The following TEC variants were observed in gnomAD, a reference collection of about 807,000 sequenced individuals.
TEC encodes the protein tec protein tyrosine kinase.
Under a neutral mutation model 93.0 loss-of-function variants are expected in TEC, and 72 were observed. The observed-to-expected ratio is 0.77, with a 90% CI of 0.64 to 0.94. TEC has a LOEUF of 0.94. Among genes scored for constraint, TEC ranks in the 40% least tolerant of loss-of-function variants. The pLI is 0.00. For missense variants in TEC, 630 were observed against 757.9 expected, an observed-to-expected ratio of 0.83 and a Z score of 1.98; for synonymous variants, 249 against 247.7, an observed-to-expected ratio of 1.01 and a Z score of -0.05.
At chr4:48,181,475 C>A (rs1721580585) in intron 2 of TEC, among the ~76,000 whole-genome samples, 1 of 151,878 alleles carries the variant, frequency 6.6e-6, no homozygotes, top group Non-Finnish European at 1.5e-5. Context: ...GAGTTCAAGA[C>A]CAGCCTGGCC....
intron 1 of TEC, among the ~76,000 whole-genome samples, chr4:48,241,700 C>A (rs776914107): frequency 6.6e-6 from 1 of 152,180 alleles, no homozygotes; most frequent in African/African-American, 2.4e-5. Context: ...TGGATGGTTT[C>A]TAACACAGCA....
At position 48,137,497 on chromosome 4, in the gene TEC, T is replaced by C. The variant is rs1426984717; in HGVS notation, c.1815A>G (p.Lys605=). Residue 605 remains lysine, a splice_region_variant and synonymous_variant, in exon 18 of 18, where the codon AAA becomes AAG. Transcript: ENST00000381501. ...YEVMLRCWQE[K]PEGRPSFEDL... Reference sequence around the variant, plus strand: ...CTTCGAAAGAAGGCCTTCCCTCTGGTTTCTACAATTAAAAGTCAAAGAGAA... The same window carrying C: ...CTTCGAAAGAAGGCCTTCCCTCTGGCTTCTACAATTAAAAGTCAAAGAGAA... 6.2e-7 allele frequency: 1 copy of C among 1,613,796 alleles called. No homozygotes were observed. The highest frequency in any genetic ancestry group is 1.7e-5 in the Admixed American group (1 of 59,984).
chr4:48,157,744 G>A (rs1041745063), intron 8 of TEC, among the ~76,000 whole-genome samples: 1 of 152,126 alleles, frequency 6.6e-6, no homozygotes, highest in East Asian at 1.9e-4. Flanking sequence ...TCGAACTCCT[G>A]GCCTCAAAGG....
intron 2 of TEC, among the ~76,000 whole-genome samples, chr4:48,211,835 T>G (rs1722910016): frequency 6.6e-6 from 1 of 152,058 alleles, no homozygotes; most frequent in Admixed American, 6.6e-5. Context: ...CAGTGGCTCA[T>G]GCCTGTAATC....
Position 48,269,564 on chromosome 4 carries a change from C to T in TEC, c.-46+188G>A, listed in dbSNP as rs530534443. On this transcript the variant is annotated intron_variant, in intron 1 of 17. Transcript: ENST00000381501. ...ACTGCGCGCACCTGTCCCTCCTTCC[C>T]GGACCGAAGAGGGGACCCAGAGACG... Among the ~76,000 whole-genome samples, 36 of 152,374 alleles carry T rather than the reference C, an allele frequency of 2.4e-4. 1 individual carries two copies. In the South Asian group the frequency reaches 7.2e-3, roughly 31 times the overall value.
chr4:48,228,714 T>G, intron 1 of TEC, 55 bp from the exon 2 acceptor site: 2 of 1,455,118 alleles, frequency 1.4e-6, no homozygotes, highest in Non-Finnish European at 1.8e-6. Context: ...CTATGGATGT[T>G]GCCATTTCCA....
chr4:48,186,947 T>C (rs1721897561), intron 2 of TEC, among the ~76,000 whole-genome samples: 1 of 152,228 alleles, frequency 6.6e-6, no homozygotes, highest in African/African-American at 2.4e-5. Context: ...AACAGCTCAT[T>C]GAGAACGGGC....
chr4:48,222,543 G>T (rs974769780), intron 2 of TEC, among the ~76,000 whole-genome samples: 1 of 152,090 alleles, frequency 6.6e-6, no homozygotes, highest in South Asian at 2.1e-4. Flanking sequence ...GTGTGTCTGT[G>T]AGAGTGTTTC....
intron 1 of TEC, among the ~76,000 whole-genome samples, chr4:48,240,267 A>G (rs1192091991): frequency 6.6e-6 from 1 of 152,198 alleles, no homozygotes; most frequent in Non-Finnish European, 1.5e-5. Context: ...GGAATAACAT[A>G]GTTTTCCATG....
At chr4:48,200,893 T>A (rs919508964) in intron 2 of TEC, among the ~76,000 whole-genome samples, 4 of 152,346 alleles carry the variant, frequency 2.6e-5, no homozygotes, top group East Asian at 3.9e-4. Context: ...GTATCCACCA[T>A]AGCAGTTCTA....
chr4:48,185,385 T>C (rs73244499), intron 2 of TEC, among the ~76,000 whole-genome samples: 10,606 of 152,310 alleles, frequency 0.07, 503 homozygotes, highest in South Asian at 0.13. Flanking sequence ...TTCTTGTGAA[T>C]ACTGGGAATA....
At chr4:48,219,812 T>C (rs1285887080) in intron 2 of TEC, among the ~76,000 whole-genome samples, 1 of 152,136 alleles carries the variant, frequency 6.6e-6, no homozygotes, top group Non-Finnish European at 1.5e-5. Flanking sequence ...GGTCTCCGTG[T>C]CTTGATGGTA....
chr4:48,142,026 A>G (rs1719694019), intron 14 of TEC, among the ~76,000 whole-genome samples: 1 of 152,140 alleles, frequency 6.6e-6, no homozygotes, highest in South Asian at 2.1e-4. Flanking sequence ...TTCTTATTAA[A>G]CTATCCAATT....
In TEC at chr4:48,136,399, G is replaced by C. The variant is rs1244972954; in HGVS notation, c.*1017C>G. 1 of 152,246 alleles carries C rather than the reference G, an allele frequency of 6.6e-6. No homozygotes were observed. The highest frequency in any genetic ancestry group is 6.5e-5 in the Admixed American group (1 of 15,270). The allele number at this position is 152,246 out of a possible 1,614,324, so 9.4% of individuals were successfully genotyped here. The stretch of plus-strand genomic sequence containing the variant: ...TCCGCCACAGCTCAGGCTGCTTCCG[G>C]GTCCTATGTGAGGTGGGGGCAAACT... On this transcript the variant is annotated 3_prime_UTR_variant, in exon 18 of 18. Coordinates refer to ENST00000381501, the MANE Select transcript of TEC (RefSeq NM_003215.3).
chr4:48,212,245 GA>G (rs1296760898), intron 2 of TEC, among the ~76,000 whole-genome samples: 1 of 151,628 alleles, frequency 6.6e-6, no homozygotes, highest in Admixed American at 6.6e-5. Context: ...GTACAGTGCG[GA>G]AAAAAACAAA....
intron 2 of TEC, among the ~76,000 whole-genome samples, chr4:48,202,420 G>A (rs1328251951): frequency 6.6e-6 from 1 of 152,008 alleles, no homozygotes; most frequent in Non-Finnish European, 1.5e-5. Flanking sequence ...ACAAAAATTA[G>A]CTGGGCGTGG....
chr4:48,213,493 T>C (rs1239051920), intron 2 of TEC, among the ~76,000 whole-genome samples: 4 of 152,154 alleles, frequency 2.6e-5, no homozygotes, highest in Non-Finnish European at 5.9e-5. Context: ...AACTAAAAGG[T>C]AATAACATCA....
chr4:48,225,915 C>T (rs982208610), intron 2 of TEC, among the ~76,000 whole-genome samples: 1 of 151,962 alleles, frequency 6.6e-6, no homozygotes, highest in Non-Finnish European at 1.5e-5. Context: ...GGCTCTCTAG[C>T]CCAGGCAGCA....
At chr4:48,269,395 G>A (rs1724723855) in intron 1 of TEC, among the ~76,000 whole-genome samples, 1 of 152,392 alleles carries the variant, frequency 6.6e-6, no homozygotes, top group Admixed American at 6.5e-5. Context: ...TCGCCGCTGG[G>A]ACGTGACCCC....
Sources: gnomAD v4.1 joint callset for allele counts (sites outside exome capture counted in the v4.1 genomes callset) on GRCh38, gnomAD v4.1.1 for gene constraint, MANE v1.5 for transcripts, NCBI Gene and HGNC (gene_info 2026-07-23, HGNC 2026-07-21) for gene names.